The following B9D1 variants were observed in gnomAD, a reference collection of about 807,000 sequenced individuals.
B9D1 encodes the protein B9 domain containing 1, also known as B9 domain-containing protein 1.
A neutral mutation model predicts 26.1 loss-of-function variants in B9D1; 20 were observed. The ratio of observed to expected loss-of-function variants is 0.77; its 90% CI spans 0.54 to 1.12. B9D1 has a LOEUF of 1.12. Among genes scored for constraint, B9D1 ranks in the 50% most tolerant of loss-of-function variants. The pLI is 0.00. For synonymous variants in B9D1, 105 were observed against 103.1 expected, an observed-to-expected ratio of 1.02 and a Z score of -0.11; for missense variants, 260 against 273.7, an observed-to-expected ratio of 0.95 and a Z score of 0.35.
At position 19,359,095 on chromosome 17, in the gene B9D1, C is replaced by G. The variant is rs918582158; in HGVS notation, c.133-1144G>C. On this transcript the variant is annotated intron_variant, in intron 2 of 6. Transcript: ENST00000261499. This position sits in a 1 kb window ranked among gnomAD's most constrained non-coding sequence, Gnocchi z 5.0. ...CTCCCACCACCCCACTGCCACTGCC[C>G]TCCTCTCCCATCTCCACTGCTGTCA... 2.0e-5 allele frequency among the ~76,000 whole-genome samples: 3 copies of G among 152,202 alleles called. No individual in the cohort carries two copies. Among genetic ancestry groups the G allele is most frequent in the African/African-American group, 7.2e-5 (3 of 41,448 alleles).
At chr17:19,335,800 A>G (rs1013417628), downstream of B9D1, 11 of 216,828 alleles carry the variant, frequency 5.1e-5, no homozygotes, top group African/African-American at 4.5e-5. Context: ...CCAAACTCCT[A>G]CTGTCCTCAC....
At chr17:19,358,123 T>G (rs756037751) in intron 2 of B9D1, among the ~76,000 whole-genome samples, 172 bp from the exon 3 acceptor site, 7 of 152,194 alleles carry the variant, frequency 4.6e-5, no homozygotes, top group Non-Finnish European at 7.4e-5. Context: ...TCTTTAAGTC[T>G]GGTACTTTAA....
rs778039369 is a variant in B9D1 at position 19,347,769 on chromosome 17, A to G, written c.341+15T>C. 5.6e-6 allele frequency: 9 copies of G among 1,612,260 alleles called. No homozygotes were observed. The Admixed American group carries it at 1.0e-4, about 18-fold the overall frequency. ...ACAAGTCCTGCCCAGGGCCCAGGTC[A>G]GAATGAGGACCTACCGGCCAGGTGA... On this transcript the variant is annotated intron_variant, in intron 4 of 6. Coordinates refer to ENST00000261499, the MANE Select transcript of B9D1 (RefSeq NM_015681.6). The surrounding 1 kb of genome is among the most constrained non-coding windows in gnomAD (Gnocchi z 4.3).
chr17:19,368,057 G>A (rs1911689341), intron 1 of B9D1, among the ~76,000 whole-genome samples: 1 of 152,198 alleles, frequency 6.6e-6, no homozygotes, highest in South Asian at 2.1e-4. Flanking sequence ...CTGACATGGG[G>A]AGAGACAACT....
chr17:19,375,867 T>G (rs2152286313), intron 1 of B9D1, among the ~76,000 whole-genome samples: 1 of 152,280 alleles, frequency 6.6e-6, no homozygotes, highest in East Asian at 1.9e-4. Flanking sequence ...AAGTTAATAG[T>G]TTACCATGTG....
downstream of B9D1, chr17:19,335,925 T>C (rs572662403): frequency 8.5e-4 from 130 of 153,080 alleles, no homozygotes; most frequent in Non-Finnish European, 1.4e-3. Flanking sequence ...GCCTGGTGGA[T>C]GTTTCTGGCC....
At chr17:19,341,296 G>A (rs1907933952), downstream of B9D1, 2 of 1,231,976 alleles carry the variant, frequency 1.6e-6, no homozygotes, top group African/African-American at 3.1e-5. Flanking sequence ...GCCATGGACA[G>A]AGAAGACAGC....
downstream of B9D1, chr17:19,335,233 G>T: frequency 1.9e-6 from 1 of 514,724 alleles, no homozygotes; most frequent in Non-Finnish European, 3.2e-6. Flanking sequence ...CCTTTCTTTA[G>T]CTCCTGTTTT....
At chr17:19,337,512 C>T (rs894240547), downstream of B9D1, 5 of 536,926 alleles carry the variant, frequency 9.3e-6, no homozygotes, top group Non-Finnish European at 1.7e-5. Context: ...CAAGGATAAG[C>T]AGACAAGCTT....
downstream of B9D1, among the ~76,000 whole-genome samples, chr17:19,340,022 C>A (rs1325397549): frequency 1.6e-5 from 2 of 126,544 alleles, no homozygotes; most frequent in Non-Finnish European, 3.3e-5. Context: ...GGAGGGGGTC[C>A]CACATGCCCA....
At chr17:19,341,204 G>T (rs1374793848), downstream of B9D1, 31 of 1,231,516 alleles carry the variant, frequency 2.5e-5, no homozygotes, top group East Asian at 1.9e-4. Context: ...AGGCTTGTAC[G>T]TGCACACCAC....
chr17:19,362,726 A>T, upstream of B9D1: 49 of 1,358,558 alleles, frequency 3.6e-5, no homozygotes, highest in East Asian at 1.5e-4. Flanking sequence ...TGGCATGCGC[A>T]GGCGCAGTGA....
chr17:19,367,455 G>A (rs576904193), upstream of B9D1, among the ~76,000 whole-genome samples: 1 of 151,872 alleles, frequency 6.6e-6, no homozygotes, highest in Non-Finnish European at 1.5e-5. Flanking sequence ...GGGATTATTG[G>A]TGCCTGCCAC....
At chr17:19,346,869 G>A in intron 5 of B9D1, 2 of 1,381,540 alleles carry the variant, frequency 1.4e-6, no homozygotes, top group South Asian at 3.1e-5. Context: ...CTGCGCAAAT[G>A]TCAGCTCCGG....
At chr17:19,365,143 C>T (rs760995781), upstream of B9D1, among the ~76,000 whole-genome samples, 7 of 152,278 alleles carry the variant, frequency 4.6e-5, no homozygotes, top group African/African-American at 1.4e-4. This position sits in a 1 kb window ranked among gnomAD's most constrained non-coding sequence, Gnocchi z 5.0. Flanking sequence ...GCCTGCACAG[C>T]GCTGGTGAGC....
downstream of B9D1, chr17:19,335,408 T>C (rs1220003933): frequency 2.6e-6 from 4 of 1,549,892 alleles, no homozygotes; most frequent in African/African-American, 1.4e-5. Flanking sequence ...ATTAAAGGCA[T>C]GCAGGGATTA....
chr17:19,375,289 A>G (rs1431990216), intron 1 of B9D1, among the ~76,000 whole-genome samples: 1 of 151,986 alleles, frequency 6.6e-6, no homozygotes, highest in Non-Finnish European at 1.5e-5. Flanking sequence ...CCCTGTCTCA[A>G]AAAGAAAAAA....
Position 19,360,345 on chromosome 17 carries a change from TACACAA to T in B9D1, c.101_106del (p.Phe34_Val35del), listed in dbSNP as rs769728035. 1.2e-6 allele frequency: 2 copies of T among 1,613,934 alleles called. No individual in the cohort carries two copies. The highest frequency in any genetic ancestry group is 2.2e-5 in the South Asian group (2 of 91,080). ...CGCTGTGGGGGCCCAGTCCTGGCCG[TACACAA>T]AGCAGTACTTGCAGTAGAGGTCATC... is the stretch of plus-strand genomic sequence containing the variant. On this transcript the variant is annotated inframe_deletion, in exon 2 of 7. Transcript: ENST00000261499.
chr17:19,341,742 G>A (rs1461206034), downstream of B9D1, among the ~76,000 whole-genome samples: 3 of 152,234 alleles, frequency 2.0e-5, no homozygotes, highest in East Asian at 1.9e-4. Flanking sequence ...CAGGGCAGGC[G>A]AAGGAACAGC....
Sources: gnomAD v4.1 joint callset for allele counts (sites outside exome capture counted in the v4.1 genomes callset) on GRCh38, gnomAD v4.1.1 for gene constraint, Gnocchi (gnomAD v3.1) non-coding constraint, MANE v1.5 for transcripts, NCBI Gene and HGNC (gene_info 2026-07-23, HGNC 2026-07-21) for gene names.